The following NELL1 variants were observed in gnomAD, a reference collection of about 807,000 sequenced individuals.
The protein encoded by NELL1 is protein kinase C-binding protein NELL1.
NELL1 carries 76 observed loss-of-function variants against 107.4 expected under a neutral mutation model. The observed-to-expected ratio is 0.71, with a 90% CI of 0.59 to 0.86. NELL1 has a LOEUF of 0.86. NELL1 is among the 40% of genes least tolerant of loss of function. The pLI, the probability that NELL1 is intolerant of heterozygous loss-of-function variation, is 0.00. For missense variants in NELL1, 1,024 were observed against 1,005.5 expected, an observed-to-expected ratio of 1.02 and a Z score of -0.25; for synonymous variants, 353 against 341.2, an observed-to-expected ratio of 1.03 and a Z score of -0.38.
intron 5 of NELL1, among the ~76,000 whole-genome samples, chr11:20,913,838 A>T (rs1850187486): frequency 8.3e-6 from 1 of 120,118 alleles, no homozygotes; most frequent in Admixed American, 1.0e-4. Flanking sequence ...TGTAAATAAG[A>T]TTACGGGGGG....
At chr11:20,904,745 G>T (rs929739625) in intron 5 of NELL1, among the ~76,000 whole-genome samples, 30 of 152,070 alleles carry the variant, frequency 2.0e-4, no homozygotes, top group African/African-American at 7.2e-4. Flanking sequence ...AAGGTTGGAG[G>T]AGTCTCTCTC....
chr11:20,868,285 C>A (rs1012142095), intron 4 of NELL1, among the ~76,000 whole-genome samples: 2 of 152,030 alleles, frequency 1.3e-5, no homozygotes, highest in Non-Finnish European at 2.9e-5. Flanking sequence ...AAGCCAGTCA[C>A]AAAAGGACAA....
At chr11:21,401,038 G>T (rs1852085792) in intron 15 of NELL1, among the ~76,000 whole-genome samples, 1 of 151,886 alleles carries the variant, frequency 6.6e-6, no homozygotes, top group Admixed American at 6.6e-5. Flanking sequence ...CAGAGCTATA[G>T]AAAGAATGTG....
At chr11:20,726,385 G>C (rs991671773) in intron 2 of NELL1, among the ~76,000 whole-genome samples, 1 of 152,232 alleles carries the variant, frequency 6.6e-6, no homozygotes, top group Non-Finnish European at 1.5e-5. Context: ...GAATACAACT[G>C]TATAGTCAGT....
At chr11:21,075,023 G>C (rs968494026) in intron 12 of NELL1, among the ~76,000 whole-genome samples, 1 of 152,156 alleles carries the variant, frequency 6.6e-6, no homozygotes, top group Non-Finnish European at 1.5e-5. Flanking sequence ...TCATTTGACC[G>C]ACTAGATGGA....
chr11:21,018,458 T>C (rs1852620378), intron 12 of NELL1, among the ~76,000 whole-genome samples: 1 of 152,050 alleles, frequency 6.6e-6, no homozygotes, highest in African/African-American at 2.4e-5. Context: ...TGATAGTGAC[T>C]GGGAACAAAC....
chr11:21,091,641 CCATT>C (rs1175421972), intron 12 of NELL1, among the ~76,000 whole-genome samples: 4 of 152,106 alleles, frequency 2.6e-5, no homozygotes, highest in African/African-American at 9.7e-5. Context: ...AGCTATCCAT[CCATT>C]CATCCAATTA....
chr11:20,844,786 T>G (rs998713158), intron 3 of NELL1, among the ~76,000 whole-genome samples: 1 of 152,214 alleles, frequency 6.6e-6, no homozygotes, highest in South Asian at 2.1e-4. Context: ...GGAATACAGA[T>G]TCTGCTGCAG....
At chr11:21,506,921 A>T (rs922908176) in intron 15 of NELL1, among the ~76,000 whole-genome samples, 9 of 152,198 alleles carry the variant, frequency 5.9e-5, no homozygotes, top group African/African-American at 2.2e-4. Flanking sequence ...CTAAGGAAAA[A>T]GTAGAAAAAT....
intron 15 of NELL1, among the ~76,000 whole-genome samples, chr11:21,452,794 C>G (rs561257328): frequency 1.4e-4 from 22 of 151,972 alleles, no homozygotes; most frequent in African/African-American, 4.8e-4. Flanking sequence ...TATATTAGCA[C>G]TCAGTACTAT....
At chr11:21,440,537 A>G (rs7481001) in intron 15 of NELL1, among the ~76,000 whole-genome samples, 1 of 152,224 alleles carries the variant, frequency 6.6e-6, no homozygotes, top group East Asian at 1.9e-4. Context: ...GAAAGAAACA[A>G]TGTCAAAATA....
At chr11:21,428,034 A>G (rs991460646) in intron 15 of NELL1, among the ~76,000 whole-genome samples, 1 of 152,242 alleles carries the variant, frequency 6.6e-6, no homozygotes, top group African/African-American at 2.4e-5. Context: ...AGACAAGGCT[A>G]GTGTGTTTGT....
chr11:20,773,147 C>G (rs1375830635), intron 2 of NELL1, among the ~76,000 whole-genome samples: 1 of 152,186 alleles, frequency 6.6e-6, no homozygotes, highest in Non-Finnish European at 1.5e-5. Context: ...GCTCAATGCT[C>G]TCCTGCTGGG....
chr11:20,815,731 G>A (rs1857610057), intron 3 of NELL1, among the ~76,000 whole-genome samples: 1 of 152,150 alleles, frequency 6.6e-6, no homozygotes, highest in African/African-American at 2.4e-5. Flanking sequence ...CTTTGCCAAA[G>A]TCGATGTCCA....
intron 15 of NELL1, among the ~76,000 whole-genome samples, chr11:21,439,099 G>T (rs968842734): frequency 7.9e-5 from 12 of 151,730 alleles, no homozygotes; most frequent in Non-Finnish European, 1.6e-4. Context: ...GTGAAGGTGG[G>T]TGTTTGAGAA....
At chr11:21,248,067 G>A (rs973390356) in intron 14 of NELL1, among the ~76,000 whole-genome samples, 7 of 152,166 alleles carry the variant, frequency 4.6e-5, no homozygotes, top group African/African-American at 1.4e-4. Context: ...GCAGGAGGCC[G>A]GGTGCAGTGG....
At chr11:21,283,869 T>C (rs1849050889) in intron 14 of NELL1, 1 of 225,160 alleles carries the variant, frequency 4.4e-6, no homozygotes, top group Admixed American at 5.2e-5. Flanking sequence ...GATATTTTAC[T>C]TGGCTGTGAG....
intron 15 of NELL1, among the ~76,000 whole-genome samples, chr11:21,438,584 G>T (rs534858075): frequency 6.6e-6 from 1 of 152,094 alleles, no homozygotes; most frequent in African/African-American, 2.4e-5. Context: ...CTCCATCAAG[G>T]ACTCTCAAAA....
At chr11:21,239,735 A>G (rs75977910) in intron 14 of NELL1, among the ~76,000 whole-genome samples, 2,690 of 152,150 alleles carry the variant, frequency 0.018, 46 homozygotes, top group South Asian at 0.062. Flanking sequence ...CAGTGTGGGA[A>G]TCACAGTCCC....
Sources: gnomAD v4.1 joint callset for allele counts (sites outside exome capture counted in the v4.1 genomes callset) on GRCh38, gnomAD v4.1.1 for gene constraint, MANE v1.5 for transcripts, NCBI Gene and HGNC (gene_info 2026-07-23, HGNC 2026-07-21) for gene names.